PRKG2: variants seen among roughly 807,000 people sequenced by gnomAD.
PRKG2 encodes protein kinase cGMP-dependent 2.
In PRKG2, 33 loss-of-function variants were observed where a neutral mutation model predicts 97.2. That is an observed-to-expected ratio of 0.34 (90% CI 0.26 to 0.45). The LOEUF (loss-of-function observed/expected upper bound fraction) is 0.45. PRKG2 is among the 20% of genes least tolerant of loss of function. The pLI is 1.00. For synonymous variants in PRKG2, 330 were observed against 321.8 expected (o/e 1.03, Z -0.27); for missense variants, 638 against 900.0 (o/e 0.71, Z 3.73).
chr4:81,164,650 G>A (rs1749833745), intron 6 of PRKG2, among the ~76,000 whole-genome samples: 1 of 151,814 alleles, frequency 6.6e-6, no homozygotes, highest in Non-Finnish European at 1.5e-5. Flanking sequence ...GTGGATCTGG[G>A]GGCCCCAACT....
In PRKG2 at chr4:81,201,531, C is replaced by A. The variant is rs141627040; in HGVS notation, c.461+3056G>T. On this transcript the variant is annotated intron_variant, in intron 2 of 18. Coordinates refer to ENST00000264399, the MANE Select transcript of PRKG2 (RefSeq NM_006259.3). ...AATTAGACAAATTAAGTTACACCTTCAGACCATAAAAGTATATTTGATGGG... is the reference window on the plus strand; with the variant it reads ...AATTAGACAAATTAAGTTACACCTTAAGACCATAAAAGTATATTTGATGGG... Among the ~76,000 whole-genome samples the A allele has an allele frequency of 4.3e-3, 660 of 152,288 alleles. 2 individuals carry two copies. Among genetic ancestry groups the A allele is most frequent in the Admixed American group, 0.011 (167 of 15,294 alleles).
intron 4 of PRKG2, among the ~76,000 whole-genome samples, chr4:81,170,852 C>T (rs983339591): frequency 2.0e-5 from 3 of 151,954 alleles, no homozygotes; most frequent in African/African-American, 7.2e-5. Flanking sequence ...GTCAGAACCT[C>T]GTTGAGACTA....
chr4:81,186,781 G>A (rs920881670), intron 2 of PRKG2, among the ~76,000 whole-genome samples: 1 of 152,066 alleles, frequency 6.6e-6, no homozygotes, highest in Non-Finnish European at 1.5e-5. Context: ...AATAACAAAC[G>A]ATAAAGGGGA....
intron 18 of PRKG2, 76 bp downstream of exon 18, chr4:81,092,310 T>TAC (rs79358061): frequency 0.034 from 32,788 of 974,570 alleles, 3,297 homozygotes; most frequent in East Asian, 0.33. Context: ...GGCATATACA[T>TAC]ACACACATCT....
chr4:81,134,332 G>A (rs575134246), intron 14 of PRKG2, among the ~76,000 whole-genome samples: 9 of 152,176 alleles, frequency 5.9e-5, no homozygotes, highest in African/African-American at 1.7e-4. Context: ...CATTAAATGC[G>A]AGCTATTTTT....
chr4:81,199,205 G>T (rs1753145827), intron 2 of PRKG2, among the ~76,000 whole-genome samples: 2 of 151,914 alleles, frequency 1.3e-5, no homozygotes, highest in Non-Finnish European at 2.9e-5. Context: ...TCATGGAAGG[G>T]AAAAAAGGGA....
intron 14 of PRKG2, among the ~76,000 whole-genome samples, chr4:81,129,290 C>T (rs59877644): frequency 0.27 from 41,788 of 152,078 alleles, 8,461 homozygotes; most frequent in African/African-American, 0.55. Context: ...ATTCTGTTGA[C>T]TTGCAGTGGA....
intron 14 of PRKG2, among the ~76,000 whole-genome samples, chr4:81,116,251 A>G (rs1838174): frequency 0.24 from 35,986 of 151,980 alleles, 5,688 homozygotes; most frequent in East Asian, 0.46. Context: ...TATACTCAAT[A>G]TTTAGCTCCC....
chr4:81,216,063 G>A (rs1356626021), upstream of PRKG2, among the ~76,000 whole-genome samples: 1 of 152,138 alleles, frequency 6.6e-6, no homozygotes, highest in Non-Finnish European at 1.5e-5. Context: ...TGTGTTGAGA[G>A]ATGGAAAGTA....
intron 2 of PRKG2, among the ~76,000 whole-genome samples, chr4:81,195,238 T>A (rs1216071057): frequency 6.6e-6 from 1 of 152,150 alleles, no homozygotes; most frequent in Non-Finnish European, 1.5e-5. Flanking sequence ...TTGACATAGC[T>A]TGTTCTCTTC....
intron 14 of PRKG2, among the ~76,000 whole-genome samples, chr4:81,113,702 C>A (rs1242417157): frequency 6.6e-6 from 1 of 152,056 alleles, no homozygotes; most frequent in Non-Finnish European, 1.5e-5. Context: ...AAAATGGACA[C>A]AAAATGGCCA....
chr4:81,153,976 T>G, intron 6 of PRKG2: 1 of 282,178 alleles, frequency 3.5e-6, no homozygotes, highest in Non-Finnish European at 6.7e-6. Flanking sequence ...GGTCAGGGAG[T>G]TCCCTTTCCT....
At chr4:81,215,456 A>AT (rs768243179), upstream of PRKG2, among the ~76,000 whole-genome samples, 2 of 152,124 alleles carry the variant, frequency 1.3e-5, no homozygotes, top group Non-Finnish European at 2.9e-5. Flanking sequence ...GGTTGTAAGC[A>AT]TTTTTGTTCA....
chr4:81,111,341 T>C (rs925874462), intron 14 of PRKG2, among the ~76,000 whole-genome samples: 1 of 151,788 alleles, frequency 6.6e-6, no homozygotes, highest in Non-Finnish European at 1.5e-5. Flanking sequence ...GCTAGGCCTA[T>C]AGATACAAAG....
intron 17 of PRKG2, among the ~76,000 whole-genome samples, chr4:81,093,478 T>C (rs1191190833): frequency 6.6e-6 from 1 of 151,968 alleles, no homozygotes; most frequent in Non-Finnish European, 1.5e-5. Flanking sequence ...CTACTTGACT[T>C]AGTTATCATG....
At chr4:81,201,999 A>C (rs1296974298) in intron 2 of PRKG2, among the ~76,000 whole-genome samples, 2 of 152,184 alleles carry the variant, frequency 1.3e-5, no homozygotes, top group Admixed American at 1.3e-4. Flanking sequence ...AAATTAGGAG[A>C]ACCAAAAAAT....
Position 81,137,410 on chromosome 4 carries a change from C to A in PRKG2, c.1617G>T (p.Trp539Cys). The change falls in exon 13 of 19, where the codon TGG (tryptophan) becomes TGT (cysteine). Residue 539 changes from tryptophan (W) to cysteine (C), a missense_variant. Physicochemically the swap from Trp to Cys is radical, Grantham distance 215. Around this residue, in one of 3 missense-constraint regions of PRKG2, gnomAD observed 304 missense variants for 460.5 expected, o/e 0.66. Coordinates refer to ENST00000264399, the MANE Select transcript of PRKG2 (RefSeq NM_006259.3). ...LLEACLGGEL[W>C]SILRDRGSFD... is the part of the protein sequence containing the mutation. ...TTCATTACCTGTCCCTTAATATACT[C>A]CAGAGCTCCCCACCTAAGCAGGCCT... 6.2e-7 allele frequency: 1 copy of A among 1,610,724 alleles called. No homozygotes were observed. Among genetic ancestry groups the A allele is most frequent in the Non-Finnish European group, 8.5e-7 (1 of 1,176,960 alleles).
chr4:81,090,790 A>C (rs1016814258), intron 18 of PRKG2, among the ~76,000 whole-genome samples: 1 of 152,220 alleles, frequency 6.6e-6, no homozygotes, highest in South Asian at 2.1e-4. Flanking sequence ...ATGTGAGAAC[A>C]CAATTCTTAG....
chr4:81,141,371 T>C (rs1578409600), intron 11 of PRKG2, among the ~76,000 whole-genome samples: 1 of 152,124 alleles, frequency 6.6e-6, no homozygotes, highest in African/African-American at 2.4e-5. Context: ...TTATGTAAAT[T>C]TAAATTAAAT....
Sources: allele counts gnomAD v4.1 joint callset (sites outside exome capture counted in the v4.1 genomes callset), GRCh38; gene constraint gnomAD v4.1.1; regional missense constraint gnomAD v4.1.1; transcripts MANE v1.5; gene names NCBI Gene and HGNC (gene_info 2026-07-23, HGNC 2026-07-21).